VAT1L: variants seen among roughly 807,000 people sequenced by gnomAD.
The protein encoded by VAT1L is putative NADPH-dependent quinone oxidoreductase VAT1L.
VAT1L carries 34 observed loss-of-function variants against 44.1 expected under a neutral mutation model. The ratio of observed to expected loss-of-function variants is 0.77; its 90% CI spans 0.59 to 1.03. VAT1L has a LOEUF of 1.03. Among genes scored for constraint, VAT1L ranks in the 50% least tolerant of loss-of-function variants. The pLI is 0.00. For missense variants in VAT1L, 615 were observed against 538.8 expected (o/e 1.14, Z -1.40); for synonymous variants, 253 against 202.2 (o/e 1.25, Z -2.13).
At chr16:77,895,216 T>A (rs146082936) in intron 7 of VAT1L, among the ~76,000 whole-genome samples, 107 of 152,056 alleles carry the variant, frequency 7.0e-4, no homozygotes, top group Non-Finnish European at 1.2e-3. Context: ...GGCCCTGCCA[T>A]GCCCTTGCAC....
intron 7 of VAT1L, among the ~76,000 whole-genome samples, chr16:77,928,006 T>A (rs1467465632): frequency 6.6e-6 from 1 of 152,230 alleles, no homozygotes; most frequent in Non-Finnish European, 1.5e-5. Context: ...ATCCTTCCCA[T>A]TAGGATGGGA....
chr16:77,915,526 G>A (rs927087605), intron 7 of VAT1L, among the ~76,000 whole-genome samples: 9 of 151,812 alleles, frequency 5.9e-5, no homozygotes, highest in Non-Finnish European at 1.5e-5. Context: ...CAGAAGGCCT[G>A]TGAGTTGGTC....
chr16:77,909,922 C>T (rs758743274), intron 7 of VAT1L, among the ~76,000 whole-genome samples: 35 of 152,200 alleles, frequency 2.3e-4, no homozygotes, highest in Admixed American at 3.9e-4. Context: ...GTAAGAACGG[C>T]TCCTGCGAGA....
At chr16:77,829,052 A>C (rs2016552343) in intron 3 of VAT1L, among the ~76,000 whole-genome samples, 1 of 152,114 alleles carries the variant, frequency 6.6e-6, no homozygotes, top group Non-Finnish European at 1.5e-5. Context: ...GGCCTGAAGA[A>C]AATCAAAGTA....
At chr16:77,927,286 C>T (rs1028331306) in intron 7 of VAT1L, among the ~76,000 whole-genome samples, 2 of 148,636 alleles carry the variant, frequency 1.3e-5, no homozygotes, top group Non-Finnish European at 3.0e-5. Flanking sequence ...TGCAGTGAGC[C>T]GAGATCGCGC....
intron 7 of VAT1L, among the ~76,000 whole-genome samples, chr16:77,968,068 A>T (rs1178250572): frequency 6.6e-6 from 1 of 152,188 alleles, no homozygotes; most frequent in East Asian, 1.9e-4. Flanking sequence ...ATAATTATGT[A>T]TGTGAGATAA....
intron 1 of VAT1L, 68 bp downstream of exon 1, chr16:77,788,983 A>T: frequency 7.0e-7 from 1 of 1,422,750 alleles, no homozygotes; most frequent in Non-Finnish European, 9.2e-7. Context: ...GGGGTGGGAA[A>T]GCTGCGGCTG....
intron 7 of VAT1L, among the ~76,000 whole-genome samples, chr16:77,901,081 G>C (rs1349019301): frequency 6.6e-6 from 1 of 150,774 alleles, no homozygotes; most frequent in Admixed American, 6.6e-5. Flanking sequence ...GTGATAGCCA[G>C]ATGGCTCCGA....
At chr16:77,924,998 C>G (rs1415198137) in intron 7 of VAT1L, among the ~76,000 whole-genome samples, 1 of 152,100 alleles carries the variant, frequency 6.6e-6, no homozygotes, top group Non-Finnish European at 1.5e-5. Flanking sequence ...ATAGTGTATG[C>G]ATTAAAGGTA....
chr16:77,904,020 G>A (rs7202337), intron 7 of VAT1L, among the ~76,000 whole-genome samples: 1 of 152,026 alleles, frequency 6.6e-6, no homozygotes, highest in African/African-American at 2.4e-5. Context: ...ACAGGTATGA[G>A]CCACTGTGCC....
At chr16:77,959,359 C>A (rs952248685) in intron 7 of VAT1L, among the ~76,000 whole-genome samples, 6 of 152,172 alleles carry the variant, frequency 3.9e-5, no homozygotes, top group African/African-American at 1.4e-4. Flanking sequence ...AGATCTCAAG[C>A]CTACTTGCAA....
rs190916535 is a variant in VAT1L, at chr16:77,975,127, G to A, written c.1162-2470G>A. ...GGCTCCACAGGATGTGTCGCTGTCC[G>A]CTCAGCAGGTGCTGGAGGAGGGGAC... On this transcript the variant is annotated intron_variant, in intron 8 of 8. Transcript: ENST00000302536. Among the ~76,000 whole-genome samples the A allele has an allele frequency of 6.0e-5, 9 of 149,342 alleles. No homozygotes were observed. In the East Asian group the frequency reaches 1.6e-3, roughly 27 times the overall value.
intron 7 of VAT1L, among the ~76,000 whole-genome samples, chr16:77,923,540 C>T (rs1328796831): frequency 6.6e-6 from 1 of 152,164 alleles, no homozygotes; most frequent in Non-Finnish European, 1.5e-5. Flanking sequence ...CAAAATTAAG[C>T]CAGCATCCTC....
chr16:77,845,896 C>T (rs867439068), intron 3 of VAT1L, among the ~76,000 whole-genome samples: 5 of 152,154 alleles, frequency 3.3e-5, no homozygotes, highest in African/African-American at 4.8e-5. Context: ...TCTGTCCATT[C>T]GTCCATCTGT....
In VAT1L at chr16:77,837,366, C is replaced by T. The variant is rs375213459; in HGVS notation, c.579+11905C>T. ...CAGGCTCCCATGTTCATAAATTAAA[C>T]CTCAGGCTGCTGTGTCCATAAATTA... is the stretch of plus-strand genomic sequence containing the variant. On this transcript the variant is annotated intron_variant, in intron 3 of 8. Transcript: ENST00000302536. 5.3e-5 allele frequency among the ~76,000 whole-genome samples: 8 copies of T among 152,246 alleles called. No individual in the cohort carries two copies. The East Asian group carries it at 1.2e-3, about 22-fold the overall frequency.
chr16:77,976,109 T>C (rs538240756), intron 8 of VAT1L, among the ~76,000 whole-genome samples: 1 of 152,364 alleles, frequency 6.6e-6, no homozygotes, highest in Admixed American at 6.5e-5. Flanking sequence ...TAGTTCTTCA[T>C]TATCCTAAAA....
chr16:77,838,768 C>A (rs1235185235), intron 3 of VAT1L, among the ~76,000 whole-genome samples: 1 of 151,072 alleles, frequency 6.6e-6, no homozygotes, highest in Non-Finnish European at 1.5e-5. Flanking sequence ...TTCCTTCTCT[C>A]CTTCCTTCCT....
rs143943414 is a variant in VAT1L at position 77,846,101 on chromosome 16, TG to T, written c.580-16645del. 3.0e-3 allele frequency among the ~76,000 whole-genome samples: 452 copies of T among 152,314 alleles called. 1 individual carries two copies. Among genetic ancestry groups the T allele is most frequent in the Middle Eastern group, 0.014 (4 of 294 alleles). On this transcript the variant is annotated intron_variant, in intron 3 of 8. Transcript: ENST00000302536. ...TTGGCAAGTGTTGGATCAAATTAAA[TG>T]GATGAACTTTGCCTATCCTATGTAA... is the stretch of plus-strand genomic sequence containing the variant.
At chr16:77,788,972 G>T (rs1029060131) in intron 1 of VAT1L, 57 bp downstream of exon 1, 4 of 1,428,806 alleles carry the variant, frequency 2.8e-6, no homozygotes, top group African/African-American at 1.5e-5. Context: ...GCGCTGGGGA[G>T]GGGGTGGGAA....
Sources: gnomAD v4.1 joint callset for allele counts (sites outside exome capture counted in the v4.1 genomes callset) on GRCh38, gnomAD v4.1.1 for gene constraint, MANE v1.5 for transcripts, NCBI Gene and HGNC (gene_info 2026-07-23, HGNC 2026-07-21) for gene names.